TTC28: variants seen among roughly 807,000 people sequenced by gnomAD.
The protein encoded by TTC28 is tetratricopeptide repeat domain 28, also known as tetratricopeptide repeat protein 28.
TTC28 carries 61 observed loss-of-function variants against 198.0 expected under a neutral mutation model. The ratio of observed to expected loss-of-function variants is 0.31; its 90% CI spans 0.25 to 0.38. TTC28 has a LOEUF of 0.38. Ranked by LOEUF, TTC28 falls within the 10% of genes least tolerant of loss-of-function variation. The pLI is 1.00. For synonymous variants in TTC28, 1,171 were observed against 1,297.8 expected, an observed-to-expected ratio of 0.90 and a Z score of 2.10; for missense variants, 2,678 against 3,164.0, an observed-to-expected ratio of 0.85 and a Z score of 3.69.
intron 9 of TTC28, 75 bp downstream of exon 9, chr22:28,101,096 T>C (rs371290030): frequency 1.6e-5 from 18 of 1,140,128 alleles, no homozygotes; most frequent in African/African-American, 7.8e-5. Flanking sequence ...ATGCCATCAC[T>C]ACTAGGACAG....
chr22:28,115,651 G>A (rs1414239991), intron 6 of TTC28, among the ~76,000 whole-genome samples: 2 of 152,242 alleles, frequency 1.3e-5, no homozygotes, highest in African/African-American at 2.4e-5. Context: ...GAACTCTTGC[G>A]CCATCGCACG....
intron 12 of TTC28, among the ~76,000 whole-genome samples, chr22:28,072,632 CT>C (rs1941035518): frequency 6.6e-6 from 1 of 152,266 alleles, no homozygotes; most frequent in Non-Finnish European, 1.5e-5. Flanking sequence ...TCTTACCCCC[CT>C]GTGTAAGCAA....
chr22:28,085,860 T>G (rs1941572027), intron 12 of TTC28, among the ~76,000 whole-genome samples: 1 of 152,034 alleles, frequency 6.6e-6, no homozygotes, highest in Non-Finnish European at 1.5e-5. Flanking sequence ...GGGGTTGCAA[T>G]CCTGGTCTCT....
chr22:28,355,419 C>T (rs1033012143), intron 2 of TTC28, among the ~76,000 whole-genome samples: 1 of 152,108 alleles, frequency 6.6e-6, no homozygotes, highest in Non-Finnish European at 1.5e-5. Flanking sequence ...TATATCTACA[C>T]AATACTTACC....
At chr22:28,262,370 G>A (rs1440269035) in intron 5 of TTC28, among the ~76,000 whole-genome samples, 2 of 152,110 alleles carry the variant, frequency 1.3e-5, no homozygotes, top group Non-Finnish European at 2.9e-5. Context: ...CTTTATGCAA[G>A]CAATAGTTCG....
In TTC28 at chr22:28,107,610, G is replaced by A; in HGVS notation, c.2235C>T (p.His745=). Reference sequence around the variant, plus strand: ...CTTCTAATCTTCTGTCCTTTACCTGGTGAGCTAAGCCCAGTTGCTGCTCAT... The same window carrying A: ...CTTCTAATCTTCTGTCCTTTACCTGATGAGCTAAGCCCAGTTGCTGCTCAT... ...KFYEQQLGLA[H]QVKDRRLEAS... The change falls in exon 7 of 23, where the codon CAC becomes CAT. Residue 745 remains histidine (H), a synonymous_variant. Coordinates refer to ENST00000397906, the MANE Select transcript of TTC28 (RefSeq NM_001145418.2). 6.4e-7 allele frequency: 1 copy of A among 1,551,726 alleles called. No homozygotes were observed. Among genetic ancestry groups the A allele is most frequent in the Non-Finnish European group, 8.7e-7 (1 of 1,147,000 alleles).
chr22:28,316,712 T>A (rs895852263), intron 2 of TTC28, among the ~76,000 whole-genome samples: 3 of 152,216 alleles, frequency 2.0e-5, no homozygotes, highest in African/African-American at 7.2e-5. Context: ...CTATTGTTTT[T>A]GAAAGTTCAG....
intron 6 of TTC28, among the ~76,000 whole-genome samples, chr22:28,151,095 T>C (rs544199105): frequency 6.6e-6 from 1 of 152,356 alleles, no homozygotes; most frequent in African/African-American, 2.4e-5. Context: ...CATAATCATT[T>C]GTGTAAAGAA....
intron 1 of TTC28, among the ~76,000 whole-genome samples, chr22:28,633,859 T>C (rs1419689170): frequency 6.6e-6 from 1 of 152,178 alleles, no homozygotes; most frequent in Admixed American, 6.5e-5. Flanking sequence ...TTTTGCACAC[T>C]GTGAATCTGA....
intron 8 of TTC28, 74 bp downstream of exon 8, chr22:28,105,205 C>T: frequency 2.0e-6 from 3 of 1,465,466 alleles, no homozygotes; most frequent in Non-Finnish European, 2.8e-6. Context: ...GCATACTTCC[C>T]TCTGAGTCTT....
At chr22:28,634,787 G>A (rs1162026398) in intron 1 of TTC28, among the ~76,000 whole-genome samples, 1 of 151,636 alleles carries the variant, frequency 6.6e-6, no homozygotes, top group African/African-American at 2.4e-5. Context: ...GTTTTGCCAT[G>A]TTGGCCAGGC....
At chr22:28,122,238 T>G (rs1437186248) in intron 6 of TTC28, among the ~76,000 whole-genome samples, 1 of 152,132 alleles carries the variant, frequency 6.6e-6, no homozygotes, top group Non-Finnish European at 1.5e-5. Flanking sequence ...GGTTTGAAGC[T>G]TCAGCAGCAA....
intron 5 of TTC28, among the ~76,000 whole-genome samples, chr22:28,251,879 G>A (rs1238594227): frequency 6.6e-6 from 1 of 151,932 alleles, no homozygotes; most frequent in Non-Finnish European, 1.5e-5. Flanking sequence ...AAATATACAG[G>A]ACTACAAACA....
chr22:28,100,838 T>C (rs897128382), intron 9 of TTC28, among the ~76,000 whole-genome samples: 4 of 152,232 alleles, frequency 2.6e-5, no homozygotes, highest in Non-Finnish European at 5.9e-5. Context: ...AGAAGTTATA[T>C]CTATTAATAT....
intron 3 of TTC28, among the ~76,000 whole-genome samples, chr22:28,301,438 G>A (rs759599513): frequency 2.0e-5 from 3 of 152,140 alleles, no homozygotes; most frequent in Non-Finnish European, 2.9e-5. Context: ...GAAATGTAAA[G>A]GCTTTAAAAA....
At chr22:28,639,845 AGAT>A (rs765240917) in intron 1 of TTC28, among the ~76,000 whole-genome samples, 4 of 152,202 alleles carry the variant, frequency 2.6e-5, no homozygotes, top group Non-Finnish European at 5.9e-5. Flanking sequence ...CAAACAAAAT[AGAT>A]GATAAGAGAA....
intron 5 of TTC28, among the ~76,000 whole-genome samples, chr22:28,291,998 C>A (rs1156808390): frequency 6.6e-6 from 1 of 151,236 alleles, no homozygotes; most frequent in Non-Finnish European, 1.5e-5. Context: ...AAAGAGCATA[C>A]CAAAAATATT....
chr22:28,089,138 A>G (rs1209220601), intron 12 of TTC28, among the ~76,000 whole-genome samples: 1 of 152,168 alleles, frequency 6.6e-6, no homozygotes, highest in Non-Finnish European at 1.5e-5. Flanking sequence ...TAGAAATACC[A>G]TTTGACCCAG....
chr22:28,037,756 T>C (rs1193796307), intron 12 of TTC28, among the ~76,000 whole-genome samples: 2 of 152,218 alleles, frequency 1.3e-5, no homozygotes, highest in Non-Finnish European at 2.9e-5. Context: ...CATGATTGTA[T>C]ATCTAGAAAA....
Sources: allele counts gnomAD v4.1 joint callset (sites outside exome capture counted in the v4.1 genomes callset), GRCh38; gene constraint gnomAD v4.1.1; transcripts MANE v1.5; gene names NCBI Gene and HGNC (gene_info 2026-07-23, HGNC 2026-07-21).